The following TBC1D23 variants were observed in gnomAD, a reference collection of about 807,000 sequenced individuals.
TBC1D23 encodes the protein HCV non-structural protein 4A-transactivated protein 1.
Under a neutral mutation model 91.4 loss-of-function variants are expected in TBC1D23, and 55 were observed. The observed-to-expected ratio is 0.60, with a 90% CI of 0.48 to 0.75. The LOEUF is 0.75. Ranked by LOEUF, TBC1D23 falls within the 30% of genes least tolerant of loss-of-function variation. TBC1D23 has a pLI of 0.00. For synonymous variants in TBC1D23, 289 were observed against 281.0 expected (o/e 1.03, Z -0.28); for missense variants, 725 against 836.1 (o/e 0.87, Z 1.64).
intron 1 of TBC1D23, among the ~76,000 whole-genome samples, chr3:100,264,850 A>T (rs751327803): frequency 5.9e-5 from 9 of 152,124 alleles, no homozygotes; most frequent in Non-Finnish European, 1.0e-4. Context: ...CAAAATTTAA[A>T]CGTACATTGG....
rs1705605942 is a variant in TBC1D23, at chr3:100,310,441, A to G, written c.1452A>G (p.Lys484=). 2 of 1,613,382 alleles carry G rather than the reference A, an allele frequency of 1.2e-6. No homozygotes were observed. The highest frequency in any genetic ancestry group is 1.7e-5 in the Admixed American group (1 of 59,940). The part of the protein sequence containing the change: ...SPNGSSDRGM[K]SLVNKMTVAL... ...ATGGCTCAAGTGATAGAGGAATGAA[A>G]TCACTAGTAAATAAAATGACTGTGG... The change falls in exon 14 of 19, where the codon AAA becomes AAG. Residue 484 remains lysine (K), a synonymous_variant. Coordinates refer to ENST00000394144, the MANE Select transcript of TBC1D23 (RefSeq NM_001199198.3).
At position 100,323,879 on chromosome 3, in the gene TBC1D23, A is replaced by G. The variant is rs547517387; in HGVS notation, c.*211A>G. On this transcript the variant is annotated 3_prime_UTR_variant, in exon 19 of 19. Coordinates refer to ENST00000394144, the MANE Select transcript of TBC1D23 (RefSeq NM_001199198.3). ...GCATTTTGGTTTTATAAAATGATGT[A>G]TTATAAAGGTCAGTTATTAAATTAC... 1 of 223,056 alleles carries G rather than the reference A, an allele frequency of 4.5e-6. No individual in the cohort carries two copies. Among genetic ancestry groups the G allele is most frequent in the East Asian group, 9.8e-5 (1 of 10,234 alleles). 13.8% of individuals were successfully genotyped at this position (223,056 alleles called of 1,614,324 possible). A position where few individuals can be genotyped will look rare whatever the true frequency, so the allele number is the denominator to read the frequency against.
chr3:100,302,059 T>C lies in TBC1D23; in HGVS notation c.1093-8T>C, dbSNP rs746457558. On this transcript the variant is annotated splice_region_variant and splice_polypyrimidine_tract_variant and intron_variant, in intron 10 of 18. Coordinates refer to ENST00000394144, the MANE Select transcript of TBC1D23 (RefSeq NM_001199198.3). ...TGTCAAGTTTTTAACTTTAAAAAAA[T>C]TGTCTAGATGCTTCAGAATCCATCT... 52 of 1,578,422 alleles carry C rather than the reference T, an allele frequency of 3.3e-5. No individual in the cohort carries two copies. The Middle Eastern group carries it at 5.0e-4, about 15-fold the overall frequency.
intron 5 of TBC1D23, among the ~76,000 whole-genome samples, chr3:100,293,981 TA>T (rs1472502626): frequency 2.0e-5 from 3 of 152,238 alleles, no homozygotes; most frequent in African/African-American, 7.2e-5. Flanking sequence ...AAGTAAGAGA[TA>T]TTTTTAATGG....
Position 100,314,332 on chromosome 3 carries a change from G to A in TBC1D23, c.1599-1767G>A, listed in dbSNP as rs532072697. Among the ~76,000 whole-genome samples the A allele has an allele frequency of 6.8e-4, 104 of 151,992 alleles. 1 individual carries two copies. The highest frequency in any genetic ancestry group is 2.4e-3 in the African/African-American group (100 of 41,472). ...AGGATAGTCTCGATCTCCTGACCTC[G>A]TGATCTGCCCACCTCGGATCTTTCG... is the stretch of plus-strand genomic sequence containing the variant. On this transcript the variant is annotated intron_variant, in intron 15 of 18. Transcript: ENST00000394144.
At chr3:100,281,928 T>A in intron 3 of TBC1D23, 81 bp downstream of exon 3, 1 of 743,136 alleles carries the variant, frequency 1.3e-6, no homozygotes, top group Non-Finnish European at 2.2e-6. Flanking sequence ...CAGAATAATC[T>A]TATAATTTCA....
chr3:100,261,548 A>C (rs912566838), intron 1 of TBC1D23: 1 of 155,012 alleles, frequency 6.5e-6, no homozygotes, highest in South Asian at 1.9e-4. Flanking sequence ...CTTAGTTGGT[A>C]TACTTTTTTT....
chr3:100,276,801 G>A (rs888771863), intron 1 of TBC1D23, among the ~76,000 whole-genome samples: 1 of 152,174 alleles, frequency 6.6e-6, no homozygotes, highest in Non-Finnish European at 1.5e-5. Flanking sequence ...ACCAACATAC[G>A]TTAATAGTTT....
Position 100,291,051 on chromosome 3 carries a change from T to G in TBC1D23, c.600+350T>G, listed in dbSNP as rs143977578. The stretch of plus-strand genomic sequence containing the variant: ...TACATATATCAGTTCAATTGAGAAC[T>G]TTGTTTAAATTGTTGATGGTGTGTA... On this transcript the variant is annotated intron_variant, in intron 5 of 18. Transcript: ENST00000394144. Among the ~76,000 whole-genome samples the G allele has an allele frequency of 4.7e-3, 711 of 152,294 alleles. 2 individuals are homozygous for G. The highest frequency in any genetic ancestry group is 6.3e-3 in the Non-Finnish European group (431 of 68,026).
chr3:100,262,049 G>A (rs1411755559), intron 1 of TBC1D23, among the ~76,000 whole-genome samples: 1 of 152,194 alleles, frequency 6.6e-6, no homozygotes, highest in African/African-American at 2.4e-5. Context: ...AATGGAAATC[G>A]TTGAAAGGGA....
intron 10 of TBC1D23, 94 bp from the exon 11 acceptor site, chr3:100,301,973 A>T: frequency 1.2e-6 from 1 of 847,718 alleles, no homozygotes; most frequent in Non-Finnish European, 1.8e-6. Flanking sequence ...GTGGCTCTTT[A>T]AATATTGGGG....
At chr3:100,301,583 G>A (rs938390731) in intron 10 of TBC1D23, among the ~76,000 whole-genome samples, 1 of 152,082 alleles carries the variant, frequency 6.6e-6, no homozygotes, top group African/African-American at 2.4e-5. Flanking sequence ...GTTTCCTTGA[G>A]GGTAAGAAAT....
chr3:100,290,844 G>T, intron 5 of TBC1D23, 143 bp downstream of exon 5: 2 of 588,326 alleles, frequency 3.4e-6, no homozygotes, highest in Non-Finnish European at 5.3e-6. Flanking sequence ...AAAATTATTG[G>T]CATTTCAAAA....
At chr3:100,314,091 A>ATTTTTT (rs71299383) in intron 15 of TBC1D23, among the ~76,000 whole-genome samples, 90 of 94,584 alleles carry the variant, frequency 9.5e-4, no homozygotes, top group East Asian at 1.3e-3. Context: ...AGGCTACAAA[A>ATTTTTT]TTTTTTTTTT....
chr3:100,274,349 G>A (rs1166364970), intron 1 of TBC1D23, among the ~76,000 whole-genome samples: 1 of 152,096 alleles, frequency 6.6e-6, no homozygotes, highest in Non-Finnish European at 1.5e-5. Context: ...TGAAACCCAG[G>A]TCTGACACTA....
intron 13 of TBC1D23, among the ~76,000 whole-genome samples, chr3:100,309,514 C>T (rs1037802432): frequency 4.6e-5 from 7 of 150,800 alleles, no homozygotes; most frequent in African/African-American, 1.5e-4. Flanking sequence ...TAAGAAAGGT[C>T]AGTAGTTTTA....
At chr3:100,286,501 CTTT>C (rs11370481) in intron 4 of TBC1D23, among the ~76,000 whole-genome samples, 18 of 146,324 alleles carry the variant, frequency 1.2e-4, no homozygotes, top group South Asian at 2.2e-4. Flanking sequence ...AACATATCTT[CTTT>C]TTTTTTTTTT....
chr3:100,322,093 A>T (rs942039859), intron 18 of TBC1D23, among the ~76,000 whole-genome samples: 16 of 145,514 alleles, frequency 1.1e-4, no homozygotes, highest in East Asian at 4.5e-4. Context: ...TAAATTTTTT[A>T]AAATTAATTA....
Position 100,319,050 on chromosome 3 carries a change from T to TTTTTTATAGATGAA in TBC1D23, c.1688-19_1688-18insTTTTTATAGATGAA. 6.7e-7 allele frequency: 1 copy of TTTTTTATAGATGAA among 1,482,324 alleles called. No individual in the cohort carries two copies. The highest frequency in any genetic ancestry group is 9.3e-7 in the Non-Finnish European group (1 of 1,080,130). 91.8% of individuals were successfully genotyped at this position (1,482,324 alleles called of 1,614,324 possible). On this transcript the variant is annotated intron_variant, in intron 16 of 18. Coordinates refer to ENST00000394144, the MANE Select transcript of TBC1D23 (RefSeq NM_001199198.3). ...AAAAGTTGGTAATATCCATATTTAA[T>TTTTTTATAGATGAA]ACTTTGTATTTTTTATAGATGAAAT...
Sources: allele counts gnomAD v4.1 joint callset (sites outside exome capture counted in the v4.1 genomes callset), GRCh38; gene constraint gnomAD v4.1.1; transcripts MANE v1.5; gene names NCBI Gene and HGNC (gene_info 2026-07-23, HGNC 2026-07-21).